GNAI3: variants seen among roughly 807,000 people sequenced by gnomAD.
The protein encoded by GNAI3 is guanine nucleotide-binding protein G(i) subunit alpha-3.
A neutral mutation model predicts 41.8 loss-of-function variants in GNAI3; 12 were observed. The observed-to-expected ratio is 0.29, with a 90% CI of 0.18 to 0.47. GNAI3 has a LOEUF of 0.47. GNAI3 is among the 20% of genes least tolerant of loss of function. GNAI3 has a pLI of 1.00. For missense variants in GNAI3, 360 were observed against 429.6 expected, an observed-to-expected ratio of 0.84 and a Z score of 1.43; for synonymous variants, 132 against 146.5, an observed-to-expected ratio of 0.90 and a Z score of 0.71.
intron 4 of GNAI3, among the ~76,000 whole-genome samples, chr1:109,580,834 A>G (rs549853826): frequency 6.6e-6 from 1 of 152,336 alleles, no homozygotes; most frequent in Admixed American, 6.5e-5. Flanking sequence ...GTTGTTGACC[A>G]AAACATTGTT....
At chr1:109,577,398 T>C (rs1648779231) in intron 3 of GNAI3, among the ~76,000 whole-genome samples, 1 of 150,564 alleles carries the variant, frequency 6.6e-6, no homozygotes, top group African/African-American at 2.4e-5. Flanking sequence ...TGCCTCAAAC[T>C]CCCGAGTAGC....
intron 7 of GNAI3, 151 bp downstream of exon 7, chr1:109,587,033 C>T (rs909037488): frequency 1.2e-5 from 7 of 590,442 alleles, no homozygotes; most frequent in African/African-American, 1.2e-4. Context: ...TGATTAAAAG[C>T]CCCTAAGTCA....
At chr1:109,552,022 C>T (rs1287258041) in intron 1 of GNAI3, among the ~76,000 whole-genome samples, 3 of 151,996 alleles carry the variant, frequency 2.0e-5, no homozygotes, top group Non-Finnish European at 4.4e-5. Context: ...ATTAGCCGGG[C>T]GTGGTGGTGT....
At chr1:109,591,403 G>T in intron 7 of GNAI3, 1 of 557,772 alleles carries the variant, frequency 1.8e-6, no homozygotes, top group Non-Finnish European at 3.2e-6. Context: ...GTTCATATTG[G>T]AAAAAGGACA....
At position 109,560,827 on chromosome 1, in the gene GNAI3, G is replaced by A. The variant is rs116697095; in HGVS notation, c.118+11989G>A. On this transcript the variant is annotated intron_variant, in intron 1 of 8. Transcript: ENST00000369851. ...GCCTCCCAAAGTGTTGGGATTACAG[G>A]TGTGAGCCACTGCATCTGACCTGAT... Among the ~76,000 whole-genome samples, 859 of 152,264 alleles carry A rather than the reference G, an allele frequency of 5.6e-3. 8 individuals are homozygous for A. The highest frequency in any genetic ancestry group is 0.02 in the African/African-American group (838 of 41,542).
At chr1:109,591,461 C>G in intron 7 of GNAI3, 1 of 960,170 alleles carries the variant, frequency 1.0e-6, no homozygotes, top group South Asian at 1.4e-5. Flanking sequence ...CTTCATTGAT[C>G]CTTTCTAGTT....
At chr1:109,586,591 C>A in intron 6 of GNAI3, 138 bp from the exon 7 acceptor site, 1 of 705,946 alleles carries the variant, frequency 1.4e-6, no homozygotes, top group Non-Finnish European at 2.3e-6. Flanking sequence ...GACTGACACT[C>A]AACTTTATCT....
intron 1 of GNAI3, among the ~76,000 whole-genome samples, chr1:109,571,423 C>A (rs888494982): frequency 1.3e-5 from 2 of 152,196 alleles, no homozygotes; most frequent in Non-Finnish European, 2.9e-5. Context: ...CTGCCACTTA[C>A]TAACTGTGTA....
At chr1:109,566,065 T>TG (rs962282839) in intron 1 of GNAI3, among the ~76,000 whole-genome samples, 21 of 152,168 alleles carry the variant, frequency 1.4e-4, no homozygotes, top group Non-Finnish European at 2.6e-4. Flanking sequence ...AAGGACAGTT[T>TG]GGGGGCTAGT....
chr1:109,567,389 C>A lies in GNAI3; in HGVS notation c.119-6348C>A, dbSNP rs12033596. On this transcript the variant is annotated intron_variant, in intron 1 of 8. Transcript: ENST00000369851. The stretch of plus-strand genomic sequence containing the variant: ...CTCAGGTGGTAGTGGTGCAGAGAGA[C>A]CTGTGAGGAAGGTTCAAGGAAAAGC... 5.5e-4 allele frequency among the ~76,000 whole-genome samples: 83 copies of A among 152,146 alleles called. No homozygotes were observed. The East Asian group carries it at 0.016, about 29-fold the overall frequency.
intron 4 of GNAI3, 24 bp from the exon 5 acceptor site, chr1:109,582,413 A>G: frequency 6.3e-7 from 1 of 1,597,212 alleles, no homozygotes; most frequent in Non-Finnish European, 8.6e-7. Flanking sequence ...TCACCAAGTA[A>G]AAGTAAACGT....
intron 7 of GNAI3, 59 bp downstream of exon 7, chr1:109,586,941 G>A: frequency 8.4e-7 from 1 of 1,185,698 alleles, no homozygotes; most frequent in Admixed American, 2.1e-5. Context: ...CAACACTTTG[G>A]TGGCATTCAT....
intron 5 of GNAI3, among the ~76,000 whole-genome samples, chr1:109,585,963 G>T (rs2101109332): frequency 6.6e-6 from 1 of 151,986 alleles, no homozygotes; most frequent in East Asian, 1.9e-4. Flanking sequence ...CACACATCTG[G>T]TACAAGCTTT....
Position 109,592,071 on chromosome 1 carries a change from C to G in GNAI3, c.903C>G (p.Ala301=), listed in dbSNP as rs552742065. 5.0e-6 allele frequency: 8 copies of G among 1,611,980 alleles called. No homozygotes were observed. The African/African-American group carries it at 8.0e-5, about 16-fold the overall frequency. Residue 301 remains alanine (A), a synonymous_variant, in exon 8 of 9, where the codon GCC becomes GCG. Transcript: ENST00000369851. ...CCAATACATATGAAGAGGCAGCTGC[C>G]TATATTCAATGCCAGTTTGAAGATC... is the stretch of plus-strand genomic sequence containing the variant. ...TGSNTYEEAA[A]YIQCQFEDLN...
In GNAI3 at chr1:109,595,333, T is replaced by C. The variant is rs1428630877; in HGVS notation, c.*3011T>C. The C allele has an allele frequency of 6.6e-6, 1 of 152,208 alleles. No homozygotes were observed. The allele number at this position is 152,208 out of a possible 1,614,324, so 9.4% of individuals were successfully genotyped here. On this transcript the variant is annotated 3_prime_UTR_variant, in exon 9 of 9. Coordinates refer to ENST00000369851, the MANE Select transcript of GNAI3 (RefSeq NM_006496.4). Reference sequence around the variant, plus strand: ...ACTTTAACAATTACTCATAAGTGGATCTTGAGATGACATTTTCATCTTGGA... The same window carrying C: ...ACTTTAACAATTACTCATAAGTGGACCTTGAGATGACATTTTCATCTTGGA...
At chr1:109,557,706 C>T (rs908584529) in intron 1 of GNAI3, among the ~76,000 whole-genome samples, 1 of 152,092 alleles carries the variant, frequency 6.6e-6, no homozygotes, top group African/African-American at 2.4e-5. Flanking sequence ...CACCGCCTGA[C>T]CCGGTAGTTC....
intron 1 of GNAI3, among the ~76,000 whole-genome samples, chr1:109,568,152 A>G (rs1413848045): frequency 6.6e-6 from 1 of 152,072 alleles, no homozygotes; most frequent in African/African-American, 2.4e-5. Flanking sequence ...ACCATCTCTC[A>G]CTTTGCATAC....
intron 1 of GNAI3, among the ~76,000 whole-genome samples, chr1:109,564,726 G>A (rs1437624621): frequency 6.6e-6 from 1 of 152,148 alleles, no homozygotes; most frequent in Non-Finnish European, 1.5e-5. Flanking sequence ...GAAAGGTTGT[G>A]GCCTAGATCG....
intron 1 of GNAI3, among the ~76,000 whole-genome samples, chr1:109,565,250 CAAAA>C (rs527332111): frequency 1.2e-5 from 1 of 81,240 alleles, no homozygotes. Flanking sequence ...GACTCCGTCT[CAAAA>C]AAAAAAAAAA....
Sources: allele counts gnomAD v4.1 joint callset (sites outside exome capture counted in the v4.1 genomes callset), GRCh38; gene constraint gnomAD v4.1.1; transcripts MANE v1.5; gene names NCBI Gene and HGNC (gene_info 2026-07-23, HGNC 2026-07-21).